CSMD2: variants seen among roughly 807,000 people sequenced by gnomAD.
CSMD2 encodes the protein CUB and sushi domain-containing protein 2.
In CSMD2, 130 loss-of-function variants were observed where a neutral mutation model predicts 398.5. The observed-to-expected ratio is 0.33, with a 90% confidence interval of 0.28 to 0.38. The LOEUF is 0.38. CSMD2 is among the 10% of genes least tolerant of loss of function. CSMD2 has a pLI of 1.00. For synonymous variants in CSMD2, 1,828 were observed against 1,908.5 expected, an observed-to-expected ratio of 0.96 and a Z score of 1.10; for missense variants, 3,829 against 4,764.9, an observed-to-expected ratio of 0.80 and a Z score of 5.78.
chr1:34,133,497 G>A (rs1209581711), intron 1 of CSMD2, among the ~76,000 whole-genome samples: 2 of 152,024 alleles, frequency 1.3e-5, no homozygotes, highest in South Asian at 2.1e-4. Flanking sequence ...CAGGCGTGGT[G>A]GTGGGTGCCA....
intron 2 of CSMD2, among the ~76,000 whole-genome samples, chr1:34,056,095 G>A (rs1008335200): frequency 2.0e-5 from 3 of 152,136 alleles, no homozygotes; most frequent in South Asian, 2.1e-4. Context: ...GAATATCACC[G>A]TGGTACACTC....
At position 33,533,969 on chromosome 1, in the gene CSMD2, C is replaced by T. The variant is rs1381374029; in HGVS notation, c.9880-62G>A. 9 of 1,035,378 alleles carry T rather than the reference C, an allele frequency of 8.7e-6. No individual in the cohort carries two copies. The East Asian group carries it at 2.2e-4, about 25-fold the overall frequency. 64.1% of individuals were successfully genotyped at this position (1,035,378 alleles called of 1,614,324 possible). A position where few individuals can be genotyped will look rare whatever the true frequency, so the allele number is the denominator to read the frequency against. On this transcript the variant is annotated intron_variant, in intron 62 of 70. Coordinates refer to ENST00000373381, the MANE Select transcript of CSMD2 (RefSeq NM_001281956.2). This position sits in a 1 kb window ranked among gnomAD's most constrained non-coding sequence, Gnocchi z 4.2. ...TTCAGCGGTGCTTCCTACGTCTGTC[C>T]CTTGACCACTTTCACATGGCCCAAC...
intron 4 of CSMD2, among the ~76,000 whole-genome samples, chr1:33,923,378 G>C (rs925697618): frequency 3.9e-5 from 6 of 152,112 alleles, no homozygotes; most frequent in African/African-American, 1.4e-4. Flanking sequence ...GTCATGTGAA[G>C]TGCCTGCTCC....
chr1:33,653,810 A>C (rs972546181), intron 27 of CSMD2, among the ~76,000 whole-genome samples: 3 of 152,198 alleles, frequency 2.0e-5, no homozygotes, highest in Admixed American at 2.0e-4. Context: ...GCACCATCAG[A>C]GGTTGTCAAC....
intron 2 of CSMD2, among the ~76,000 whole-genome samples, chr1:34,080,800 T>C (rs1313856994): frequency 1.3e-5 from 2 of 151,710 alleles, no homozygotes. Flanking sequence ...GAGAAAAGAA[T>C]AGATAAAGAT....
chr1:33,848,231 CACTCCCAA>C, intron 5 of CSMD2, among the ~76,000 whole-genome samples: 1 of 152,314 alleles, frequency 6.6e-6, no homozygotes, highest in Middle Eastern at 3.4e-3. Flanking sequence ...GACTTGTTAC[CACTCCCAA>C]TCCTGGAGCA....
chr1:33,861,080 G>C (rs1639461605), intron 5 of CSMD2: 1 of 152,138 alleles, frequency 6.6e-6, no homozygotes, highest in East Asian at 1.9e-4. Context: ...CTTGTTATGA[G>C]GACTGAATGG....
intron 2 of CSMD2, among the ~76,000 whole-genome samples, chr1:34,039,853 C>G (rs1363960346): frequency 6.6e-6 from 1 of 152,096 alleles, no homozygotes; most frequent in African/African-American, 2.4e-5. Context: ...ACAATGAGAT[C>G]TCAATAAAAG....
At chr1:33,826,450 A>T (rs188038779) in intron 6 of CSMD2, among the ~76,000 whole-genome samples, 7 of 152,332 alleles carry the variant, frequency 4.6e-5, no homozygotes, top group Admixed American at 4.6e-4. Context: ...GAGACAACAT[A>T]GCTGCTCCCA....
intron 44 of CSMD2, among the ~76,000 whole-genome samples, chr1:33,594,798 C>T (rs755079337): frequency 6.6e-6 from 1 of 152,162 alleles, no homozygotes; most frequent in South Asian, 2.1e-4. Context: ...ATGAAAATTA[C>T]GCTATTTTGT....
At chr1:34,085,090 TG>T (rs1164199798) in intron 2 of CSMD2, among the ~76,000 whole-genome samples, 1 of 152,124 alleles carries the variant, frequency 6.6e-6, no homozygotes, top group Non-Finnish European at 1.5e-5. Flanking sequence ...GGGACATGGA[TG>T]AAGCTGGAAA....
intron 13 of CSMD2, among the ~76,000 whole-genome samples, chr1:33,758,476 T>C (rs576656840): frequency 6.6e-6 from 1 of 152,348 alleles, no homozygotes; most frequent in East Asian, 1.9e-4. Context: ...AATATAACAC[T>C]ACTAATAATA....
intron 3 of CSMD2, among the ~76,000 whole-genome samples, chr1:33,999,832 GAAGAA>G (rs1386645922): frequency 3.9e-5 from 6 of 152,118 alleles, no homozygotes; most frequent in African/African-American, 9.7e-5. Context: ...AAAAAAAGAA[GAAGAA>G]AAGGAAATAG....
chr1:34,150,883 G>A (rs1022168727), intron 1 of CSMD2, among the ~76,000 whole-genome samples: 39 of 152,178 alleles, frequency 2.6e-4, no homozygotes, highest in African/African-American at 9.2e-4. Context: ...TCATACCACT[G>A]CACTCCAGCC....
intron 22 of CSMD2, among the ~76,000 whole-genome samples, chr1:33,706,184 G>T (rs574500705): frequency 8.6e-5 from 13 of 152,020 alleles, no homozygotes; most frequent in South Asian, 2.1e-4. Flanking sequence ...CATTTCCAGC[G>T]GTTTTTATTT....
chr1:33,605,226 G>A (rs12733436), intron 42 of CSMD2, 56 bp downstream of exon 42: 873,443 of 1,518,392 alleles, frequency 0.58, 253,318 homozygotes, highest in Admixed American at 0.66. Flanking sequence ...GATTGCTCTG[G>A]ACCAGTCTCC....
intron 3 of CSMD2, among the ~76,000 whole-genome samples, chr1:33,942,810 T>C (rs1644719539): frequency 6.6e-6 from 1 of 152,242 alleles, no homozygotes. Context: ...AGGGCCTTTC[T>C]TGTTTTTAGG....
intron 3 of CSMD2, among the ~76,000 whole-genome samples, chr1:34,013,721 T>C (rs1647697442): frequency 6.6e-6 from 1 of 152,212 alleles, no homozygotes; most frequent in Non-Finnish European, 1.5e-5. Context: ...GGGCACTCTC[T>C]GAATACCACA....
At chr1:33,656,923 C>A (rs1643963574) in intron 27 of CSMD2, among the ~76,000 whole-genome samples, 1 of 152,138 alleles carries the variant, frequency 6.6e-6, no homozygotes, top group Non-Finnish European at 1.5e-5. Context: ...CTTCTAACAG[C>A]CAGCATTGAC....
Sources: gnomAD v4.1 joint callset for allele counts (sites outside exome capture counted in the v4.1 genomes callset) on GRCh38, gnomAD v4.1.1 for gene constraint, Gnocchi (gnomAD v3.1) non-coding constraint, MANE v1.5 for transcripts, NCBI Gene and HGNC (gene_info 2026-07-23, HGNC 2026-07-21) for gene names.